SYT2: variants seen among roughly 807,000 people sequenced by gnomAD.
SYT2 encodes synaptotagmin 2.
SYT2 carries 15 observed loss-of-function variants against 39.9 expected under a neutral mutation model. The observed-to-expected ratio is 0.38, with a 90% confidence interval of 0.25 to 0.58. SYT2 has a LOEUF of 0.58. Ranked by LOEUF, SYT2 falls within the 20% of genes least tolerant of loss-of-function variation. The pLI, the probability that SYT2 is intolerant of heterozygous loss-of-function variation, is 0.70. For missense variants in SYT2, 389 were observed against 530.3 expected, an observed-to-expected ratio of 0.73 and a Z score of 2.62; for synonymous variants, 181 against 204.5, an observed-to-expected ratio of 0.89 and a Z score of 0.98.
At chr1:202,694,824 ATATATT>A (rs1421727537) in intron 1 of SYT2, among the ~76,000 whole-genome samples, 1 of 150,576 alleles carries the variant, frequency 6.6e-6, no homozygotes, top group African/African-American at 2.4e-5. Context: ...CGACACTTTA[ATATATT>A]TATATAAGTT....
At chr1:202,616,497 T>C (rs1691038778) in intron 1 of SYT2, among the ~76,000 whole-genome samples, 1 of 152,020 alleles carries the variant, frequency 6.6e-6, no homozygotes, top group African/African-American at 2.4e-5. Context: ...CACATACACA[T>C]ATGCACACAC....
chr1:202,683,857 G>C (rs1357970850), intron 1 of SYT2, among the ~76,000 whole-genome samples: 5 of 152,000 alleles, frequency 3.3e-5, no homozygotes, highest in African/African-American at 1.2e-4. Context: ...CATTCACTAA[G>C]GATCATTTCC....
At position 202,698,116 on chromosome 1, in the gene SYT2, C is replaced by CCCA. The variant is rs1024712469; in HGVS notation, c.-18+12141_-18+12142insTGG. 8.0e-5 allele frequency among the ~76,000 whole-genome samples: 12 copies of CCCA among 150,300 alleles called. No homozygotes were observed. In the East Asian group the frequency reaches 1.7e-3, roughly 21 times the overall value. On this transcript the variant is annotated intron_variant, in intron 1 of 8. Coordinates refer to ENST00000367268, the MANE Select transcript of SYT2 (RefSeq NM_177402.5). ...GGCAGCGTCCAGGGTCTCACCACCC[C>CCCA]CCCAAGGAAAGTTCACTCTGCTCAA...
At chr1:202,604,167 T>G in intron 3 of SYT2, 2 of 322,720 alleles carry the variant, frequency 6.2e-6, no homozygotes, top group Non-Finnish European at 1.1e-5. Flanking sequence ...GGTGTGGGGC[T>G]GTCTCTTTCC....
intron 1 of SYT2, among the ~76,000 whole-genome samples, chr1:202,698,127 G>C (rs1654022158): frequency 6.6e-6 from 1 of 151,542 alleles, no homozygotes; most frequent in Non-Finnish European, 1.5e-5. Context: ...CCCAAGGAAA[G>C]TTCACTCTGC....
Position 202,623,761 on chromosome 1 carries a change from G to A in SYT2, c.-17-17972C>T, listed in dbSNP as rs1452635366. Among the ~76,000 whole-genome samples the A allele has an allele frequency of 1.3e-5, 2 of 152,198 alleles. No homozygotes were observed. Among genetic ancestry groups the A allele is most frequent in the Non-Finnish European group, 2.9e-5 (2 of 68,036 alleles). On this transcript the variant is annotated intron_variant, in intron 1 of 8. Transcript: ENST00000367268. This position sits in a 1 kb window ranked among gnomAD's most constrained non-coding sequence, Gnocchi z 4.2. ...GGGTCTGCCCTGGTCGTGCTCCCAAGAGAGGCACTGCTTTCTGCAGAGTGC... is the reference window on the plus strand; with the variant it reads ...GGGTCTGCCCTGGTCGTGCTCCCAAAAGAGGCACTGCTTTCTGCAGAGTGC...
chr1:202,631,139 C>T (rs773026033), intron 1 of SYT2, among the ~76,000 whole-genome samples: 16 of 152,244 alleles, frequency 1.1e-4, no homozygotes, highest in Admixed American at 6.5e-4. Context: ...CAATCCAGTG[C>T]TCTTCCAAGC....
chr1:202,599,438 G>C lies in SYT2; in HGVS notation c.920-87C>G, dbSNP rs909882228. The C allele has an allele frequency of 1.5e-5, 21 of 1,423,252 alleles. No individual in the cohort carries two copies. The highest frequency in any genetic ancestry group is 1.9e-5 in the Non-Finnish European group (20 of 1,066,604). 88.2% of individuals were successfully genotyped at this position (1,423,252 alleles called of 1,614,324 possible). On this transcript the variant is annotated intron_variant, in intron 7 of 8. Coordinates refer to ENST00000367268, the MANE Select transcript of SYT2 (RefSeq NM_177402.5). This position sits in a 1 kb window ranked among gnomAD's most constrained non-coding sequence, Gnocchi z 4.4. ...TGTACCAAGGCCTGCCCAGAGCATC[G>C]GTCAAGAGGGGGTCTTCACTCCGCT...
intron 2 of SYT2, among the ~76,000 whole-genome samples, chr1:202,604,896 G>T (rs1690651142): frequency 7.0e-6 from 1 of 142,222 alleles, no homozygotes; most frequent in Non-Finnish European, 1.5e-5. Context: ...CAACCAGGTG[G>T]ATGCATGGAA....
rs1398951717 is a variant in SYT2, at chr1:202,592,234, ACTGCACCGGGCC to A, written c.*4511_*4522del. Reference sequence around the variant, plus strand: ...TGGGATGCCAGATACCAGGCTGGACACTGCACCGGGCCCTGAGGTTTGGCTCTGCAGGCAGAT... The same window carrying A: ...TGGGATGCCAGATACCAGGCTGGACACTGAGGTTTGGCTCTGCAGGCAGAT... On this transcript the variant is annotated 3_prime_UTR_variant, in exon 9 of 9. Transcript: ENST00000367268. 6.5e-6 allele frequency: 1 copy of A among 152,764 alleles called. No homozygotes were observed. Among genetic ancestry groups the A allele is most frequent in the Non-Finnish European group, 1.5e-5 (1 of 68,126 alleles). 9.5% of individuals were successfully genotyped at this position (152,764 alleles called of 1,614,324 possible). A position where few individuals can be genotyped will look rare whatever the true frequency, so the allele number is the denominator to read the frequency against.
chr1:202,687,883 C>A (rs1366064581), intron 1 of SYT2, among the ~76,000 whole-genome samples: 2 of 152,074 alleles, frequency 1.3e-5, no homozygotes, highest in African/African-American at 4.8e-5. Context: ...CTGCCAAGTT[C>A]TTTGTACCTA....
chr1:202,642,655 C>CT (rs1233883672), intron 1 of SYT2, among the ~76,000 whole-genome samples: 1 of 152,242 alleles, frequency 6.6e-6, no homozygotes. Context: ...TGGACGGCTG[C>CT]GGCAAGGCGG....
intron 1 of SYT2, among the ~76,000 whole-genome samples, chr1:202,647,164 G>A (rs967502730): frequency 6.6e-6 from 1 of 152,144 alleles, no homozygotes; most frequent in Non-Finnish European, 1.5e-5. Context: ...TAAGTCCACA[G>A]ACTAAAATAA....
chr1:202,705,968 C>T (rs985914904), intron 1 of SYT2, among the ~76,000 whole-genome samples: 1 of 152,112 alleles, frequency 6.6e-6, no homozygotes, highest in African/African-American at 2.4e-5. Flanking sequence ...GCTGGGATTA[C>T]AGGTGTGAGC....
At chr1:202,608,791 T>A (rs1319833210) in intron 1 of SYT2, among the ~76,000 whole-genome samples, 1 of 152,234 alleles carries the variant, frequency 6.6e-6, no homozygotes, top group African/African-American at 2.4e-5. Context: ...GGGTCATAAC[T>A]ATGTTTGACA....
At chr1:202,642,642 C>T (rs1345440244) in intron 1 of SYT2, among the ~76,000 whole-genome samples, 2 of 152,250 alleles carry the variant, frequency 1.3e-5, no homozygotes, top group East Asian at 1.9e-4. Context: ...CTCATCTCAA[C>T]CCTGGACGGC....
intron 1 of SYT2, among the ~76,000 whole-genome samples, chr1:202,691,716 G>GGGGAGAGAGAGA (rs1558463293): frequency 3.0e-5 from 1 of 33,560 alleles, no homozygotes; most frequent in Non-Finnish European, 7.4e-5. Context: ...AGAGGGAGAG[G>GGGGAGAGAGAGA]GAGAGGGAGA....
At chr1:202,637,433 G>A (rs1193637189) in intron 1 of SYT2, among the ~76,000 whole-genome samples, 3 of 152,232 alleles carry the variant, frequency 2.0e-5, no homozygotes, top group East Asian at 1.9e-4. Flanking sequence ...GACAAAGTAC[G>A]CATGCAAGAA....
Position 202,599,218 on chromosome 1 carries a change from C to T in SYT2, c.1053G>A (p.Gln351=). ...FSFEIPFEQI[Q]KVQVVVTVLD... ...GCCTAGGAACCCAGGGCTCCAGCAC[C>T]TGAATCTGCTCGAAGGGGATCTCAA... Residue 351 remains glutamine, a splice_region_variant and synonymous_variant, in exon 8 of 9, where the codon CAG becomes CAA. Transcript: ENST00000367268. This position sits in a 1 kb window ranked among gnomAD's most constrained non-coding sequence, Gnocchi z 4.4. The T allele has an allele frequency of 6.2e-7, 1 of 1,613,446 alleles. No homozygotes were observed. The highest frequency in any genetic ancestry group is 8.5e-7 in the Non-Finnish European group (1 of 1,179,716).
Sources: allele counts gnomAD v4.1 joint callset (sites outside exome capture counted in the v4.1 genomes callset), GRCh38; gene constraint gnomAD v4.1.1; non-coding constraint Gnocchi (gnomAD v3.1); transcripts MANE v1.5; gene names NCBI Gene and HGNC (gene_info 2026-07-23, HGNC 2026-07-21).